SHQ1: variants seen among roughly 807,000 people sequenced by gnomAD.
SHQ1 encodes the protein SHQ1, H/ACA ribonucleoprotein assembly factor, also known as protein SHQ1 homolog.
Under a neutral mutation model 53.8 loss-of-function variants are expected in SHQ1, and 49 were observed. The ratio of observed to expected loss-of-function variants is 0.91; its 90% CI spans 0.72 to 1.16. SHQ1 has a LOEUF of 1.16. SHQ1 is among the 50% of genes most tolerant of loss of function. SHQ1 has a pLI of 0.00. For synonymous variants in SHQ1, 243 were observed against 251.0 expected, an observed-to-expected ratio of 0.97 and a Z score of 0.30; for missense variants, 738 against 683.1, an observed-to-expected ratio of 1.08 and a Z score of -0.90.
At chr3:72,756,704 A>G (rs57663179) in intron 10 of SHQ1, among the ~76,000 whole-genome samples, 1,582 of 152,376 alleles carry the variant, frequency 0.01, 28 homozygotes, top group African/African-American at 0.037. Flanking sequence ...TAATAAAACC[A>G]CACTCAAAAT....
chr3:72,735,239 C>G, the SHQ1 span, among the ~76,000 whole-genome samples: 1 of 151,562 alleles, frequency 6.6e-6, no homozygotes, highest in Non-Finnish European at 1.5e-5. Context: ...TGCTTTAAAA[C>G]ACCTACCATT....
At position 72,829,744 on chromosome 3, in the gene SHQ1, A is replaced by G. The variant is rs79515937; in HGVS notation, c.599+2625T>C. 8.7e-3 allele frequency among the ~76,000 whole-genome samples: 1,319 copies of G among 152,366 alleles called. 31 individuals are homozygous for G. The highest frequency in any genetic ancestry group is 0.03 in the African/African-American group (1,261 of 41,588). ...AATTTAAAATGGTACAACAAATGGT[A>G]TAAGATCATTTTTGTCCCTTTTCTT... On this transcript the variant is annotated intron_variant, in intron 5 of 10. Transcript: ENST00000325599.
In SHQ1 at chr3:72,848,361, C is replaced by G. The variant is rs775066322; in HGVS notation, c.-21G>C. The G allele has an allele frequency of 1.2e-6, 2 of 1,612,176 alleles. No individual in the cohort carries two copies. The highest frequency in any genetic ancestry group is 2.2e-5 in the South Asian group (2 of 91,004). ...AGCATCGCCGCACCGGACGCAAGGG[C>G]CGGCGCCGCTCGCTCTCACTGCCGC... On this transcript the variant is annotated 5_prime_UTR_variant, in exon 1 of 11. Coordinates refer to ENST00000325599, the MANE Select transcript of SHQ1 (RefSeq NM_018130.3).
intron 9 of SHQ1, among the ~76,000 whole-genome samples, chr3:72,810,998 TAA>T (rs2106852557): frequency 6.6e-6 from 1 of 152,320 alleles, no homozygotes; most frequent in South Asian, 2.1e-4. Flanking sequence ...GAATAAAAAT[TAA>T]GTCTCAATTT....
intron 9 of SHQ1, among the ~76,000 whole-genome samples, chr3:72,811,756 A>G (rs1011199162): frequency 3.9e-5 from 6 of 152,208 alleles, no homozygotes; most frequent in African/African-American, 1.4e-4. Flanking sequence ...TTGAGATGTG[A>G]TTCTCTTCTT....
the SHQ1 span, among the ~76,000 whole-genome samples, chr3:72,735,710 GAGGAAGGAAGGAAGGA>G: frequency 1.9e-5 from 2 of 102,586 alleles, no homozygotes; most frequent in Non-Finnish European, 2.0e-5. Context: ...GAGAGAGAGA[GAGGAAGGAAGGAAGGA>G]AGGAAGGAAG....
rs779240905 is a variant in SHQ1, at chr3:72,841,196, G to T, written c.335C>A (p.Ala112Asp). 1 of 1,602,646 alleles carries T rather than the reference G, an allele frequency of 6.2e-7. No individual in the cohort carries two copies. The highest frequency in any genetic ancestry group is 1.1e-5 in the South Asian group (1 of 88,248). ...TAKPLVEEIG[A>D]SEIPEEVVDD... Reference sequence around the variant, plus strand: ...AACTACTTCCTCAGGAATCTCAGAAGCACCTGAATGTGTTAAATTTTAATT... The same window carrying T: ...AACTACTTCCTCAGGAATCTCAGAATCACCTGAATGTGTTAAATTTTAATT... The change falls in exon 4 of 11, where the codon GCT becomes GAT. Residue 112 changes from alanine to aspartate, a missense_variant. Coordinates refer to ENST00000325599, the MANE Select transcript of SHQ1 (RefSeq NM_018130.3).
At position 72,812,654 on chromosome 3, in the gene SHQ1, G is replaced by A. The variant is rs749524580; in HGVS notation, c.1060+17C>T. The A allele has an allele frequency of 9.3e-6, 15 of 1,610,020 alleles. No homozygotes were observed. The highest frequency in any genetic ancestry group is 1.3e-5 in the African/African-American group (1 of 74,788). On this transcript the variant is annotated intron_variant, in intron 9 of 10. Transcript: ENST00000325599. ...AACTTTTTCCCTCCCAAATTTGCAAGTACAGTAATATCTTACCCAGTTGCA... is the reference window on the plus strand; with the variant it reads ...AACTTTTTCCCTCCCAAATTTGCAAATACAGTAATATCTTACCCAGTTGCA...
chr3:72,776,671 G>T (rs1246977672), intron 10 of SHQ1, among the ~76,000 whole-genome samples: 1 of 151,934 alleles, frequency 6.6e-6, no homozygotes. Flanking sequence ...TTTATTGAAA[G>T]ACATTAAAGA....
At chr3:72,735,018 T>C in the SHQ1 span, among the ~76,000 whole-genome samples, 1 of 151,614 alleles carries the variant, frequency 6.6e-6, no homozygotes, top group Non-Finnish European at 1.5e-5. Context: ...TCAGTATGTG[T>C]TCCAGACTGC....
At chr3:72,807,897 G>T (rs1456955896) in intron 9 of SHQ1, among the ~76,000 whole-genome samples, 1 of 152,170 alleles carries the variant, frequency 6.6e-6, no homozygotes, top group Non-Finnish European at 1.5e-5. Context: ...TTAATTACCT[G>T]AAGTAATACC....
At chr3:72,846,900 G>A (rs1035851014) in intron 1 of SHQ1, among the ~76,000 whole-genome samples, 1 of 152,124 alleles carries the variant, frequency 6.6e-6, no homozygotes, top group Non-Finnish European at 1.5e-5. Context: ...ATAAATATTT[G>A]CTACCACCAT....
chr3:72,734,156 T>C, the SHQ1 span, among the ~76,000 whole-genome samples: 2 of 151,318 alleles, frequency 1.3e-5, no homozygotes, highest in South Asian at 2.1e-4. Context: ...CGAGACTCTG[T>C]CTCAAAAAAC....
At chr3:72,773,220 A>T in intron 10 of SHQ1, 3 of 711,938 alleles carry the variant, frequency 4.2e-6, no homozygotes, top group Non-Finnish European at 8.0e-6. Flanking sequence ...AGAGATAAAC[A>T]TCTTCAACGA....
chr3:72,727,725 C>T, the SHQ1 span, among the ~76,000 whole-genome samples: 6 of 152,282 alleles, frequency 3.9e-5, no homozygotes, highest in South Asian at 1.0e-3. Flanking sequence ...GAGGCACAGA[C>T]AATCTCTTGA....
At chr3:72,801,161 T>G (rs913385984) in intron 9 of SHQ1, among the ~76,000 whole-genome samples, 2 of 151,946 alleles carry the variant, frequency 1.3e-5, no homozygotes, top group African/African-American at 4.8e-5. Flanking sequence ...AATCTCTGTC[T>G]ACACAGTAAG....
chr3:72,763,062 C>CACACAG (rs1315245242), intron 10 of SHQ1, among the ~76,000 whole-genome samples: 2 of 76,200 alleles, frequency 2.6e-5, no homozygotes, highest in Non-Finnish European at 6.7e-5. Context: ...CACACACACA[C>CACACAG]AGAGAGAGAG....
intron 10 of SHQ1, among the ~76,000 whole-genome samples, chr3:72,775,060 A>G (rs1300815901): frequency 1.3e-5 from 2 of 152,208 alleles, no homozygotes; most frequent in African/African-American, 4.8e-5. Flanking sequence ...GGTTGCAGTG[A>G]GCAGAGATCA....
intron 9 of SHQ1, among the ~76,000 whole-genome samples, chr3:72,797,023 C>T (rs543294025): frequency 2.0e-4 from 31 of 151,490 alleles, no homozygotes; most frequent in Middle Eastern, 6.8e-3. Context: ...TCTGGGAGGC[C>T]GAGGCGGGCA....
Sources: allele counts gnomAD v4.1 joint callset (sites outside exome capture counted in the v4.1 genomes callset), GRCh38; gene constraint gnomAD v4.1.1; transcripts MANE v1.5; gene names NCBI Gene and HGNC (gene_info 2026-07-23, HGNC 2026-07-21).